The following SCAF11 variants were observed in gnomAD, a reference collection of about 807,000 sequenced individuals.
SCAF11 encodes protein SCAF11.
In SCAF11, 47 loss-of-function variants were observed where a neutral mutation model predicts 140.5. The ratio of observed to expected loss-of-function variants is 0.33; its 90% confidence interval spans 0.26 to 0.43. The LOEUF (loss-of-function observed/expected upper bound fraction) is 0.43. SCAF11 is among the 20% of genes least tolerant of loss of function. The pLI is 1.00. For synonymous variants in SCAF11, 557 were observed against 579.4 expected (o/e 0.96, Z 0.55); for missense variants, 1,645 against 1,705.1 (o/e 0.96, Z 0.62).
intron 6 of SCAF11, 84 bp from the exon 7 acceptor site, chr12:45,934,589 T>C: frequency 2.5e-6 from 2 of 811,960 alleles, no homozygotes; most frequent in Admixed American, 3.0e-5. Flanking sequence ...ACCAGCACAT[T>C]GGCAAGGGTT....
rs138631830 is a variant in SCAF11, at chr12:45,927,307, A to G, written c.2394T>C (p.Ser798=). ...RTRRSRFHSP[S]TTWSPNKDTP... ...TGTCTTTGTTGGGTGACCAAGTTGT[A>G]GATGGAGAATGAAATCTAGATCTTC... Residue 798 remains serine (S), a synonymous_variant, in exon 11 of 15, where the codon TCT becomes TCC. Transcript: ENST00000369367. 208 of 1,610,926 alleles carry G rather than the reference A, an allele frequency of 1.3e-4. No homozygotes were observed. The highest frequency in any genetic ancestry group is 1.6e-4 in the Non-Finnish European group (187 of 1,178,386).
chr12:45,983,742 A>AATACACAC (rs1555172644), intron 1 of SCAF11, among the ~76,000 whole-genome samples: 1 of 133,906 alleles, frequency 7.5e-6, no homozygotes, highest in Non-Finnish European at 1.6e-5. Context: ...CTAAACCTAA[A>AATACACAC]ACACACACAC....
Position 45,948,634 on chromosome 12 carries a change from C to A in SCAF11, c.298-97G>T. Reference sequence around the variant, plus strand: ...AATGATTAAAATTACAGAAACAAAACTGTCCAATTAAAAAGTGTAGTCCAA... The same window carrying A: ...AATGATTAAAATTACAGAAACAAAAATGTCCAATTAAAAAGTGTAGTCCAA... On this transcript the variant is annotated intron_variant, in intron 4 of 14. Transcript: ENST00000369367. 8.1e-6 allele frequency: 6 copies of A among 744,246 alleles called. No homozygotes were observed. The South Asian group carries it at 1.0e-4, about 13-fold the overall frequency. 46.1% of individuals were successfully genotyped at this position (744,246 alleles called of 1,614,324 possible).
chr12:45,925,698 T>C (rs765008621), intron 11 of SCAF11, among the ~76,000 whole-genome samples: 1 of 152,142 alleles, frequency 6.6e-6, no homozygotes, highest in Non-Finnish European at 1.5e-5. Flanking sequence ...TATTCAATTT[T>C]TACATCTTCA....
chr12:45,955,957 T>G, intron 3 of SCAF11: 1 of 624,604 alleles, frequency 1.6e-6, no homozygotes, highest in Non-Finnish European at 2.9e-6. Context: ...GTACTAAGGT[T>G]GTTGTATCAG....
intron 5 of SCAF11, among the ~76,000 whole-genome samples, chr12:45,946,641 G>GA (rs55966315): frequency 2.7e-4 from 40 of 146,994 alleles, no homozygotes; most frequent in African/African-American, 6.5e-4. Flanking sequence ...TTTTGAGGGA[G>GA]AAAAAAAAAA....
chr12:45,949,259 C>CA (rs1187550302), intron 4 of SCAF11, among the ~76,000 whole-genome samples: 1 of 152,054 alleles, frequency 6.6e-6, no homozygotes, highest in Non-Finnish European at 1.5e-5. Context: ...CACATATGGC[C>CA]ACTCAGTGCT....
In SCAF11 at chr12:45,921,138, A is replaced by G. The variant is rs1944700743; in HGVS notation, c.*910T>C. ...GCTGGGATTACAGGCGCCCACCACC[A>G]CGCCTGGCTAATTTTTGTATTTTTA... On this transcript the variant is annotated 3_prime_UTR_variant, in exon 15 of 15. Coordinates refer to ENST00000369367, the MANE Select transcript of SCAF11 (RefSeq NM_004719.3). 6.6e-6 allele frequency: 1 copy of G among 151,958 alleles called. No individual in the cohort carries two copies. The highest frequency in any genetic ancestry group is 6.6e-5 in the Admixed American group (1 of 15,234). 9.4% of individuals were successfully genotyped at this position (151,958 alleles called of 1,614,324 possible). A position where few individuals can be genotyped will look rare whatever the true frequency, so the allele number is the denominator to read the frequency against.
intron 11 of SCAF11, 107 bp downstream of exon 11, chr12:45,926,032 GCTT>G: frequency 8.6e-7 from 1 of 1,162,106 alleles, no homozygotes. Context: ...CTAAGGTTCA[GCTT>G]ATTATAAAAA....
chr12:45,951,611 A>G (rs777659451), intron 4 of SCAF11, 39 bp downstream of exon 4: 2 of 1,334,110 alleles, frequency 1.5e-6, no homozygotes, highest in Non-Finnish European at 2.1e-6. Context: ...GCTTCAATTA[A>G]TTTTTATATA....
At chr12:45,956,305 C>A in intron 3 of SCAF11, 1 of 623,612 alleles carries the variant, frequency 1.6e-6, no homozygotes, top group South Asian at 1.9e-5. Flanking sequence ...TATCTCTCTA[C>A]TAACAAAATA....
intron 1 of SCAF11, among the ~76,000 whole-genome samples, chr12:45,976,247 G>A (rs935792214): frequency 1.1e-4 from 16 of 152,100 alleles, no homozygotes; most frequent in Non-Finnish European, 2.4e-4. Flanking sequence ...ATAATTCTTA[G>A]AGCTACCACT....
intron 5 of SCAF11, among the ~76,000 whole-genome samples, chr12:45,945,982 C>G (rs144691936): frequency 5.9e-5 from 9 of 152,112 alleles, no homozygotes; most frequent in African/African-American, 1.9e-4. Flanking sequence ...TGAGCCACCA[C>G]GTCTGGCTTC....
chr12:45,927,836 ACTGT>A lies in SCAF11; in HGVS notation c.1861_1864del (p.Thr621TrpfsTer22). On this transcript the variant is annotated frameshift_variant, in exon 11 of 15. Transcript: ENST00000369367. LOFTEE classifies it high-confidence loss of function. ...TGGGCTCTTAACAGATTGTCTGTCC[ACTGT>A]CTGTATAATTTCACCCTCAGAAGAT... The A allele has an allele frequency of 6.2e-7, 1 of 1,613,958 alleles. No homozygotes were observed. The highest frequency in any genetic ancestry group is 8.5e-7 in the Non-Finnish European group (1 of 1,179,990).
At chr12:45,988,507 G>A (rs1293250297) in intron 1 of SCAF11, among the ~76,000 whole-genome samples, 1 of 152,148 alleles carries the variant, frequency 6.6e-6, no homozygotes, top group East Asian at 1.9e-4. Flanking sequence ...GGTGCCAAAG[G>A]ACGATAGAGA....
chr12:45,953,663 G>T (rs1945606140), intron 3 of SCAF11, among the ~76,000 whole-genome samples: 2 of 152,096 alleles, frequency 1.3e-5, no homozygotes, highest in African/African-American at 4.8e-5. Context: ...ATTAAAAAAA[G>T]GTTATGTGGT....
chr12:45,985,925 C>T (rs1946450469), intron 1 of SCAF11, among the ~76,000 whole-genome samples: 1 of 152,174 alleles, frequency 6.6e-6, no homozygotes, highest in Admixed American at 6.5e-5. Flanking sequence ...ACCCAACTCT[C>T]TCTTCTTGAC....
chr12:45,945,392 C>A, intron 5 of SCAF11, 79 bp from the exon 6 acceptor site: 1 of 822,568 alleles, frequency 1.2e-6, no homozygotes, highest in Admixed American at 2.3e-5. Flanking sequence ...TCATTCTCCT[C>A]CATCAAAATG....
Position 45,990,483 on chromosome 12 carries a change from A to T in SCAF11, c.-152T>A. 8.1e-7 allele frequency: 1 copy of T among 1,231,782 alleles called. No homozygotes were observed. The highest frequency in any genetic ancestry group is 1.0e-6 in the Non-Finnish European group (1 of 988,124). The allele number at this position is 1,231,782 out of a possible 1,614,324, so 76.3% of individuals were successfully genotyped here. A position where few individuals can be genotyped will look rare whatever the true frequency, so the allele number is the denominator to read the frequency against. ...TTTGTGGTGTTACAGGGTCTCTAGG[A>T]CACTGACTCCGCTGGCTCGGTCCGG... On this transcript the variant is annotated 5_prime_UTR_variant, in exon 1 of 15. Coordinates refer to ENST00000369367, the MANE Select transcript of SCAF11 (RefSeq NM_004719.3).
Sources: gnomAD v4.1 joint callset for allele counts (sites outside exome capture counted in the v4.1 genomes callset) on GRCh38, gnomAD v4.1.1 for gene constraint, MANE v1.5 for transcripts, NCBI Gene and HGNC (gene_info 2026-07-23, HGNC 2026-07-21) for gene names.